PTPRN2: variants seen among roughly 807,000 people sequenced by gnomAD.
PTPRN2 encodes protein tyrosine phosphatase receptor type N2.
PTPRN2 carries 74 observed loss-of-function variants against 118.8 expected under a neutral mutation model. That is an observed-to-expected ratio of 0.62 (90% CI 0.52 to 0.76). The LOEUF (loss-of-function observed/expected upper bound fraction) is 0.76, where lower values mean the gene tolerates loss of function less well. PTPRN2 is among the 30% of genes least tolerant of loss of function. The pLI is 0.00. For synonymous variants in PTPRN2, 641 were observed against 608.0 expected (o/e 1.05, Z -0.80); for missense variants, 1,481 against 1,394.4 (o/e 1.06, Z -0.99).
At chr7:158,118,329 AG>A (rs1451704867) in intron 9 of PTPRN2, among the ~76,000 whole-genome samples, 2 of 152,208 alleles carry the variant, frequency 1.3e-5, no homozygotes, top group Non-Finnish European at 2.9e-5. Context: ...TATAAATTTA[AG>A]TTAGTGTTGT....
intron 1 of PTPRN2, among the ~76,000 whole-genome samples, chr7:158,497,325 A>G (rs1446491455): frequency 6.8e-6 from 1 of 147,592 alleles, no homozygotes; most frequent in Non-Finnish European, 1.5e-5. Context: ...CACTGCACGT[A>G]GGGGTGGGTG....
chr7:158,484,936 G>A (rs1359310776), intron 2 of PTPRN2, among the ~76,000 whole-genome samples: 2 of 152,214 alleles, frequency 1.3e-5, no homozygotes, highest in Non-Finnish European at 2.9e-5. Flanking sequence ...GTCGGCTGCA[G>A]GAGGAGCCTC....
intron 11 of PTPRN2, among the ~76,000 whole-genome samples, chr7:158,043,349 T>C (rs552660054): frequency 1.1e-5 from 1 of 92,346 alleles, no homozygotes; most frequent in East Asian, 2.1e-4. Context: ...AAATCAGAGA[T>C]GTGTCCTGGG....
At chr7:158,148,810 C>T (rs1368680394) in intron 6 of PTPRN2, among the ~76,000 whole-genome samples, 3 of 64,648 alleles carry the variant, frequency 4.6e-5, no homozygotes, top group Admixed American at 1.3e-4. Flanking sequence ...GTGTCTTTCC[C>T]CCTCAATGAC....
intron 11 of PTPRN2, among the ~76,000 whole-genome samples, chr7:157,932,786 T>A (rs915902095): frequency 7.8e-5 from 11 of 140,914 alleles, no homozygotes; most frequent in African/African-American, 3.0e-4. Flanking sequence ...GAGGGATGAG[T>A]CACTCCGATG....
intron 13 of PTPRN2, among the ~76,000 whole-genome samples, chr7:157,662,877 G>A (rs1795962191): frequency 6.6e-6 from 1 of 152,144 alleles, no homozygotes; most frequent in Admixed American, 6.5e-5. Flanking sequence ...TGTGCTTCTT[G>A]TGCATGCAGG....
chr7:158,153,395 A>C (rs1821391138), intron 6 of PTPRN2, among the ~76,000 whole-genome samples: 1 of 152,196 alleles, frequency 6.6e-6, no homozygotes, highest in South Asian at 2.1e-4. Context: ...TATAGACGGC[A>C]AAATTAAAGG....
chr7:157,737,946 TC>T (rs1472401118), intron 12 of PTPRN2, among the ~76,000 whole-genome samples: 2 of 152,146 alleles, frequency 1.3e-5, no homozygotes, highest in Non-Finnish European at 2.9e-5. Flanking sequence ...GGACAGAGGC[TC>T]CCGGGAATGC....
intron 13 of PTPRN2, among the ~76,000 whole-genome samples, chr7:157,657,422 CAT>C (rs1383561406): frequency 1.5e-5 from 2 of 132,552 alleles, no homozygotes; most frequent in African/African-American, 2.8e-5. Context: ...TATACACACA[CAT>C]ACGCCACACA....
intron 3 of PTPRN2, among the ~76,000 whole-genome samples, chr7:158,304,987 A>G (rs1244173870): frequency 6.6e-6 from 1 of 152,190 alleles, no homozygotes; most frequent in South Asian, 2.1e-4. Flanking sequence ...AAATACTTCC[A>G]TTTCTTTCAG....
chr7:158,390,553 C>T (rs967401601), intron 2 of PTPRN2, among the ~76,000 whole-genome samples: 3 of 152,132 alleles, frequency 2.0e-5, no homozygotes, highest in Admixed American at 6.5e-5. Context: ...TGGAGGGCCT[C>T]GGCCAAGGTA....
rs1464726076 is a variant in PTPRN2, at chr7:158,517,409, G to C, written c.113-27624C>G. ...CCACATATGGGGAATTCCAGAACGTGACCCTGTACCTAAATCCCTGCAGTT... is the reference window on the plus strand; with the variant it reads ...CCACATATGGGGAATTCCAGAACGTCACCCTGTACCTAAATCCCTGCAGTT... On this transcript the variant is annotated intron_variant, in intron 1 of 22. Transcript: ENST00000389418. The surrounding 1 kb of genome is among the most constrained non-coding windows in gnomAD (Gnocchi z 5.3). 6.6e-6 allele frequency among the ~76,000 whole-genome samples: 1 copy of C among 152,092 alleles called. No individual in the cohort carries two copies.
chr7:158,441,704 G>A (rs1157382601), intron 2 of PTPRN2, among the ~76,000 whole-genome samples: 2 of 147,270 alleles, frequency 1.4e-5, no homozygotes, highest in African/African-American at 5.1e-5. Context: ...GGCAATGGTG[G>A]CAGTGGTGGT....
chr7:157,712,940 C>T (rs991451709), intron 12 of PTPRN2, among the ~76,000 whole-genome samples: 35 of 152,224 alleles, frequency 2.3e-4, no homozygotes, highest in Admixed American at 1.3e-3. Context: ...ACTTCTGGCT[C>T]CCAGCACTGT....
chr7:157,711,906 G>C (rs1798643059), intron 12 of PTPRN2, among the ~76,000 whole-genome samples: 1 of 146,178 alleles, frequency 6.8e-6, no homozygotes, highest in Non-Finnish European at 1.5e-5. Flanking sequence ...GTAGCCTCCA[G>C]TGTCTGGGGG....
chr7:158,078,343 G>A (rs548665409), intron 11 of PTPRN2, among the ~76,000 whole-genome samples: 70 of 152,196 alleles, frequency 4.6e-4, no homozygotes, highest in Non-Finnish European at 8.7e-4. Flanking sequence ...CAGGTGGCAG[G>A]TGCAGGCAGC....
At chr7:158,218,780 C>G (rs1370891824) in intron 3 of PTPRN2, among the ~76,000 whole-genome samples, 1 of 152,098 alleles carries the variant, frequency 6.6e-6, no homozygotes, top group Admixed American at 6.6e-5. Context: ...GCAGAGGTTG[C>G]TATTCTTATA....
intron 2 of PTPRN2, among the ~76,000 whole-genome samples, chr7:158,480,412 C>T (rs1328352023): frequency 4.6e-5 from 7 of 152,178 alleles, no homozygotes; most frequent in Non-Finnish European, 7.3e-5. Flanking sequence ...GCTCCCTCTC[C>T]TCCAGCCTCC....
intron 12 of PTPRN2, among the ~76,000 whole-genome samples, chr7:157,722,640 G>C (rs548688195): frequency 2.0e-5 from 3 of 152,170 alleles, no homozygotes; most frequent in Non-Finnish European, 2.9e-5. Flanking sequence ...TCCATTCCTC[G>C]GCAGGGCACT....
Sources: allele counts gnomAD v4.1 joint callset (sites outside exome capture counted in the v4.1 genomes callset), GRCh38; gene constraint gnomAD v4.1.1; non-coding constraint Gnocchi (gnomAD v3.1); transcripts MANE v1.5; gene names NCBI Gene and HGNC (gene_info 2026-07-23, HGNC 2026-07-21).